The following IL15 variants were observed in gnomAD, a reference collection of about 807,000 sequenced individuals.
IL15 encodes the protein interleukin 15, also known as interleukin-15.
A neutral mutation model predicts 19.6 loss-of-function variants in IL15; 11 were observed. The observed-to-expected ratio is 0.56, with a 90% CI of 0.35 to 0.93. The LOEUF (loss-of-function observed/expected upper bound fraction) is 0.93. Ranked by LOEUF, IL15 falls within the 40% of genes least tolerant of loss-of-function variation. IL15 has a pLI of 0.01. For missense variants in IL15, 197 were observed against 186.5 expected (o/e 1.06, Z -0.33); for synonymous variants, 58 against 59.6 (o/e 0.97, Z 0.12).
Position 141,711,179 on chromosome 4 carries a change from A to G in IL15, c.-99-8187A>G, listed in dbSNP as rs180765948. 4.8e-3 allele frequency among the ~76,000 whole-genome samples: 738 copies of G among 152,276 alleles called. 3 individuals carry two copies. Among genetic ancestry groups the G allele is most frequent in the Non-Finnish European group, 8.1e-3 (548 of 68,002 alleles). On this transcript the variant is annotated intron_variant, in intron 2 of 7. Coordinates refer to ENST00000320650, the MANE Select transcript of IL15 (RefSeq NM_000585.5). The stretch of plus-strand genomic sequence containing the variant: ...TTATCTTAAAATTGTATCTCAATAA[A>G]GTTTATTTAAAAGTATGGTACAGAA...
intron 2 of IL15, among the ~76,000 whole-genome samples, chr4:141,712,192 T>C (rs1402797581): frequency 1.3e-5 from 2 of 152,246 alleles, no homozygotes; most frequent in Middle Eastern, 3.4e-3. Context: ...ATCTATCTGA[T>C]AATTTCCAAC....
chr4:141,642,453 C>T (rs1478653967), intron 1 of IL15, among the ~76,000 whole-genome samples: 1 of 152,150 alleles, frequency 6.6e-6, no homozygotes, highest in Non-Finnish European at 1.5e-5. Flanking sequence ...GCCTTCTTTC[C>T]CACACCCTCC....
At chr4:141,650,819 G>C (rs140625346) in intron 1 of IL15, among the ~76,000 whole-genome samples, 29 of 151,976 alleles carry the variant, frequency 1.9e-4, no homozygotes, top group African/African-American at 6.3e-4. Context: ...TCTAATCTCC[G>C]TATTTTAAAG....
intron 2 of IL15, among the ~76,000 whole-genome samples, chr4:141,696,899 G>A (rs972524275): frequency 5.9e-5 from 9 of 151,590 alleles, no homozygotes; most frequent in East Asian, 1.9e-4. Flanking sequence ...GTCCTTGTAC[G>A]TTATGAATAT....
At chr4:141,696,090 A>C (rs534600377) in intron 2 of IL15, among the ~76,000 whole-genome samples, 129 of 152,218 alleles carry the variant, frequency 8.5e-4, no homozygotes, top group Admixed American at 1.7e-3. Context: ...TAGGCTTTAC[A>C]TTTAAGTATT....
chr4:141,681,653 A>C (rs1007186965), intron 2 of IL15, among the ~76,000 whole-genome samples: 2 of 152,240 alleles, frequency 1.3e-5, no homozygotes, highest in African/African-American at 4.8e-5. Context: ...ACAAATTTTC[A>C]TTCCCATATA....
At chr4:141,683,725 G>A (rs975610764) in intron 2 of IL15, among the ~76,000 whole-genome samples, 1 of 152,176 alleles carries the variant, frequency 6.6e-6, no homozygotes, top group Admixed American at 6.5e-5. Flanking sequence ...ACATTCTCAA[G>A]TGTAATTTCA....
At chr4:141,710,227 G>A (rs950673706) in intron 2 of IL15, among the ~76,000 whole-genome samples, 2 of 152,186 alleles carry the variant, frequency 1.3e-5, no homozygotes, top group African/African-American at 4.8e-5. Flanking sequence ...CCCTCTATTA[G>A]TGGGTCTGGT....
intron 2 of IL15, among the ~76,000 whole-genome samples, chr4:141,701,103 T>A (rs1488835629): frequency 4.6e-5 from 7 of 152,198 alleles, no homozygotes; most frequent in Non-Finnish European, 1.0e-4. Flanking sequence ...ACCTTCTGAA[T>A]TCTTTATCTG....
chr4:141,642,840 T>C (rs1264145897), intron 1 of IL15, among the ~76,000 whole-genome samples: 1 of 152,188 alleles, frequency 6.6e-6, no homozygotes, highest in Non-Finnish European at 1.5e-5. Flanking sequence ...GTAAACTCAT[T>C]TTTATGTGTC....
chr4:141,694,245 GT>G (rs1211558087), intron 2 of IL15, among the ~76,000 whole-genome samples: 1 of 152,152 alleles, frequency 6.6e-6, no homozygotes, highest in East Asian at 1.9e-4. Flanking sequence ...GAGAGTATTG[GT>G]TTAAGGAAAA....
At chr4:141,642,046 G>A (rs1313058888) in intron 1 of IL15, among the ~76,000 whole-genome samples, 1 of 149,216 alleles carries the variant, frequency 6.7e-6, no homozygotes. Context: ...ACGTGCTCTT[G>A]AAAAAAAAAC....
At chr4:141,706,846 T>C (rs1020952460) in intron 2 of IL15, among the ~76,000 whole-genome samples, 3 of 152,138 alleles carry the variant, frequency 2.0e-5, no homozygotes, top group African/African-American at 7.2e-5. Context: ...ATTCTTTGTC[T>C]TTGACTGCTG....
In IL15 at chr4:141,676,774, G is replaced by GA. The variant is rs796511038; in HGVS notation, c.-100+20481dup. Among the ~76,000 whole-genome samples, 858 of 127,624 alleles carry GA rather than the reference G, an allele frequency of 6.7e-3. 4 individuals are homozygous for GA. Among genetic ancestry groups the GA allele is most frequent in the African/African-American group, 0.013 (467 of 35,240 alleles). The allele number at this position is 127,624 out of a possible 152,430, so 83.7% of individuals were successfully genotyped here. A position where few individuals can be genotyped will look rare whatever the true frequency, so the allele number is the denominator to read the frequency against. On this transcript the variant is annotated intron_variant, in intron 2 of 7. Transcript: ENST00000320650. Reference sequence around the variant, plus strand: ...TATGGATGAGATTGTAGGTATGGCAGAAAAAAAAAAAAAAGATGGGGTAAA... The same window carrying GA: ...TATGGATGAGATTGTAGGTATGGCAGAAAAAAAAAAAAAAAGATGGGGTAAA...
In IL15 at chr4:141,730,065, C is replaced by G. The variant is rs1277655586; in HGVS notation, c.378+81C>G. On this transcript the variant is annotated intron_variant, in intron 7 of 7. Coordinates refer to ENST00000320650, the MANE Select transcript of IL15 (RefSeq NM_000585.5). ...AGAAGTCATTCATGGACAAGCAGAT[C>G]CTCCTAAGGGGCAATCAGGAGAAGG... 14 of 1,107,800 alleles carry G rather than the reference C, an allele frequency of 1.3e-5. No homozygotes were observed. In the East Asian group the frequency reaches 3.3e-4, roughly 26 times the overall value. 68.6% of individuals were successfully genotyped at this position (1,107,800 alleles called of 1,614,324 possible).
At chr4:141,703,628 A>G (rs1174344768) in intron 2 of IL15, among the ~76,000 whole-genome samples, 1 of 149,932 alleles carries the variant, frequency 6.7e-6, no homozygotes, top group South Asian at 2.1e-4. Flanking sequence ...TTTTTTTCCT[A>G]TCTCATGGAG....
intron 2 of IL15, among the ~76,000 whole-genome samples, chr4:141,695,272 C>CTT (rs34115620): frequency 1.6e-4 from 10 of 62,586 alleles, no homozygotes; most frequent in Non-Finnish European, 2.4e-4. Context: ...TCTATGATAC[C>CTT]TTTTTTTTTT....
intron 2 of IL15, among the ~76,000 whole-genome samples, chr4:141,666,258 G>T (rs900295879): frequency 3.3e-5 from 5 of 152,134 alleles, no homozygotes; most frequent in African/African-American, 1.2e-4. Flanking sequence ...CCACCACTAG[G>T]TCCCCGGGCG....
chr4:141,639,991 T>A (rs1489505547), intron 1 of IL15, among the ~76,000 whole-genome samples: 1 of 152,226 alleles, frequency 6.6e-6, no homozygotes, highest in Non-Finnish European at 1.5e-5. Flanking sequence ...GTATATATAC[T>A]GTGTATGTGC....
Sources: allele counts gnomAD v4.1 joint callset (sites outside exome capture counted in the v4.1 genomes callset), GRCh38; gene constraint gnomAD v4.1.1; transcripts MANE v1.5; gene names NCBI Gene and HGNC (gene_info 2026-07-23, HGNC 2026-07-21).